Variants in NHEJ1 observed in about 807,000 individuals in gnomAD.
NHEJ1 encodes the protein non-homologous end-joining factor 1.
Under a neutral mutation model 39.4 loss-of-function variants are expected in NHEJ1, and 22 were observed. That is an observed-to-expected ratio of 0.56 (90% CI 0.40 to 0.80). The LOEUF is 0.80. NHEJ1 is among the 30% of genes least tolerant of loss of function. NHEJ1 has a pLI of 0.00. For missense variants in NHEJ1, 329 were observed against 357.1 expected (o/e 0.92, Z 0.63); for synonymous variants, 154 against 135.6 (o/e 1.14, Z -0.94).
Position 219,142,407 on chromosome 2 carries a change from C to T in NHEJ1, c.588+4273G>A, listed in dbSNP as rs1025996702. Among the ~76,000 whole-genome samples the T allele has an allele frequency of 2.0e-5, 3 of 152,190 alleles. No individual in the cohort carries two copies. In the South Asian group the frequency reaches 6.2e-4, roughly 32 times the overall value. The stretch of plus-strand genomic sequence containing the variant: ...GCTGCCTGCTGTCCCTGAGCCTGGC[C>T]GCGTCTGGTTTGAGCAGCATGCAGC... On this transcript the variant is annotated intron_variant, in intron 5 of 7. Coordinates refer to ENST00000356853, the MANE Select transcript of NHEJ1 (RefSeq NM_024782.3).
chr2:219,147,577 A>T, intron 4 of NHEJ1, 80 bp downstream of exon 4: 1 of 1,584,020 alleles, frequency 6.3e-7, no homozygotes, highest in South Asian at 1.1e-5. Context: ...TCTCTAATGC[A>T]AATGAGTCTC....
intron 5 of NHEJ1, among the ~76,000 whole-genome samples, chr2:219,136,370 C>G (rs1167941980): frequency 6.6e-6 from 1 of 151,146 alleles, no homozygotes; most frequent in Non-Finnish European, 1.5e-5. Flanking sequence ...CTGACTGCAA[C>G]CTCAGCCTCC....
chr2:219,138,006 C>G (rs1949652372), intron 5 of NHEJ1, among the ~76,000 whole-genome samples: 1 of 152,166 alleles, frequency 6.6e-6, no homozygotes, highest in Non-Finnish European at 1.5e-5. Flanking sequence ...GGTCGGAGAA[C>G]TGACACACAT....
At chr2:219,133,905 C>T (rs1368763448) in intron 5 of NHEJ1, among the ~76,000 whole-genome samples, 1 of 152,352 alleles carries the variant, frequency 6.6e-6, no homozygotes, top group Non-Finnish European at 1.5e-5. Flanking sequence ...TGCTTCCACA[C>T]CATTCCTTTC....
At chr2:219,159,520 TATATGC>T (rs1256544901) in intron 1 of NHEJ1, among the ~76,000 whole-genome samples, 773 of 25,520 alleles carry the variant, frequency 0.03, 58 homozygotes, top group Non-Finnish European at 0.063. Context: ...ACTTTATATA[TATATGC>T]ATATATATAT....
chr2:219,110,209 AAATC>A (rs1949352744), intron 5 of NHEJ1, among the ~76,000 whole-genome samples: 1 of 152,290 alleles, frequency 6.6e-6, no homozygotes, highest in East Asian at 1.9e-4. Flanking sequence ...ACATGGGGTA[AAATC>A]AACGTAATTA....
intron 5 of NHEJ1, among the ~76,000 whole-genome samples, chr2:219,080,640 C>T (rs1949056637): frequency 2.5e-5 from 3 of 121,754 alleles, no homozygotes; most frequent in Non-Finnish European, 3.5e-5. Context: ...TATATATAAG[C>T]TTATATATAT....
At chr2:219,089,231 C>G (rs114260982) in intron 5 of NHEJ1, among the ~76,000 whole-genome samples, 1 of 152,108 alleles carries the variant, frequency 6.6e-6, no homozygotes, top group Non-Finnish European at 1.5e-5. Flanking sequence ...CAATTCTACT[C>G]CTAGGTACAT....
intron 6 of NHEJ1, 72 bp from the exon 7 acceptor site, chr2:219,077,436 C>T: frequency 8.5e-7 from 1 of 1,182,942 alleles, no homozygotes; most frequent in South Asian, 1.2e-5. Context: ...TAGCATTCAC[C>T]AAGCATTCTG....
intron 5 of NHEJ1, 125 bp downstream of exon 5, chr2:219,146,555 A>G: frequency 3.7e-6 from 3 of 809,844 alleles, no homozygotes; most frequent in South Asian, 1.3e-5. Context: ...TCTATGGGCA[A>G]CTTTTTCAGA....
At chr2:219,087,757 G>A (rs1949124778) in intron 5 of NHEJ1, among the ~76,000 whole-genome samples, 1 of 152,126 alleles carries the variant, frequency 6.6e-6, no homozygotes. Context: ...TAAAGGAAAA[G>A]GTTGATAAAT....
At chr2:219,133,346 TC>T (rs1245779475) in intron 5 of NHEJ1, among the ~76,000 whole-genome samples, 2 of 152,238 alleles carry the variant, frequency 1.3e-5, no homozygotes, top group Admixed American at 6.5e-5. Flanking sequence ...TACTTTCTTT[TC>T]TCCTAATTTC....
intron 3 of NHEJ1, among the ~76,000 whole-genome samples, chr2:219,150,557 C>T (rs1234265182): frequency 1.3e-5 from 2 of 152,128 alleles, no homozygotes; most frequent in African/African-American, 4.8e-5. Flanking sequence ...TGGTGGCTCA[C>T]GCCTATAATC....
intron 5 of NHEJ1, among the ~76,000 whole-genome samples, chr2:219,080,693 A>ATATATGCT (rs1553542339): frequency 2.2e-5 from 2 of 92,126 alleles, no homozygotes; most frequent in South Asian, 3.5e-4. Context: ...ATATATGCTT[A>ATATATGCT]TATATATATA....
chr2:219,157,774 G>C, intron 2 of NHEJ1, 90 bp from the exon 3 acceptor site: 2 of 1,001,384 alleles, frequency 2.0e-6, no homozygotes, highest in Non-Finnish European at 3.1e-6. Flanking sequence ...TGGTTAACAC[G>C]AAGGCAATGG....
chr2:219,159,655 T>G (rs1949909571), intron 1 of NHEJ1, among the ~76,000 whole-genome samples: 1 of 149,038 alleles, frequency 6.7e-6, no homozygotes, highest in Admixed American at 6.8e-5. Context: ...CAAAGCCTTG[T>G]GTTTGGAGGA....
At chr2:219,095,244 T>A (rs1469037117) in intron 5 of NHEJ1, 2 of 468,546 alleles carry the variant, frequency 4.3e-6, no homozygotes, top group African/African-American at 4.0e-5. Flanking sequence ...AGACAGTATG[T>A]CAGGGAAGAC....
chr2:219,160,597 C>A (rs912795339), intron 1 of NHEJ1, 123 bp downstream of exon 1: 2 of 152,142 alleles, frequency 1.3e-5, no homozygotes, highest in African/African-American at 4.8e-5. Flanking sequence ...GGAGGCCTGC[C>A]CTGGACCCCG....
intron 5 of NHEJ1, among the ~76,000 whole-genome samples, chr2:219,098,427 G>A (rs1000464054): frequency 3.9e-5 from 6 of 152,334 alleles, no homozygotes; most frequent in Non-Finnish European, 5.9e-5. Context: ...TGATAGGTGA[G>A]ATAGAATCTA....
Sources: gnomAD v4.1 joint callset for allele counts (sites outside exome capture counted in the v4.1 genomes callset) on GRCh38, gnomAD v4.1.1 for gene constraint, MANE v1.5 for transcripts, NCBI Gene and HGNC (gene_info 2026-07-23, HGNC 2026-07-21) for gene names.